ZNRF3: variants seen among roughly 807,000 people sequenced by gnomAD.
ZNRF3 encodes the protein zinc and ring finger 3.
Under a neutral mutation model 72.5 loss-of-function variants are expected in ZNRF3, and 23 were observed. The ratio of observed to expected loss-of-function variants is 0.32; its 90% CI spans 0.23 to 0.45. The LOEUF (loss-of-function observed/expected upper bound fraction) is 0.45. ZNRF3 is among the 20% of genes least tolerant of loss of function. The pLI, the probability that ZNRF3 is intolerant of heterozygous loss-of-function variation, is 1.00. For synonymous variants in ZNRF3, 610 were observed against 545.3 expected (o/e 1.12, Z -1.65); for missense variants, 1,169 against 1,272.1 (o/e 0.92, Z 1.23).
At chr22:28,957,084 A>C (rs1020936882) in intron 1 of ZNRF3, among the ~76,000 whole-genome samples, 1 of 152,234 alleles carries the variant, frequency 6.6e-6, no homozygotes, top group Admixed American at 6.5e-5. Context: ...AAGTAGAATG[A>C]CAAAGCAGTG....
chr22:28,997,049 A>G (rs1214858760), intron 2 of ZNRF3, among the ~76,000 whole-genome samples: 3 of 152,132 alleles, frequency 2.0e-5, no homozygotes, highest in African/African-American at 7.2e-5. Flanking sequence ...GAGATTCTCA[A>G]CTTAAGAGGG....
At chr22:28,892,011 C>G (rs1487400952) in intron 1 of ZNRF3, among the ~76,000 whole-genome samples, 1 of 152,228 alleles carries the variant, frequency 6.6e-6, no homozygotes, top group East Asian at 1.9e-4. Context: ...AAAGGGATTT[C>G]TGGTGTGAGA....
At position 29,050,641 on chromosome 22, in the gene ZNRF3, C is replaced by A. The variant is rs1569298359; in HGVS notation, c.2460C>A (p.Pro820=). ...AGGAACCACCGCCCGGCTGCTACCC[C>A]GGGGCCCGGGACCTGAGCCAGCGCA... ...LTEEPPPGCY[P]GARDLSQRIP... is the part of the protein sequence containing the mutation. Residue 820 remains proline, a synonymous_variant, in exon 8 of 9, where the codon CCC becomes CCA. Coordinates refer to ENST00000544604, the MANE Select transcript of ZNRF3 (RefSeq NM_001206998.2). The A allele has an allele frequency of 6.2e-7, 1 of 1,611,658 alleles. No homozygotes were observed. The highest frequency in any genetic ancestry group is 2.2e-5 in the East Asian group (1 of 44,782).
intron 1 of ZNRF3, among the ~76,000 whole-genome samples, chr22:28,964,550 C>T (rs960277768): frequency 1.3e-5 from 2 of 152,174 alleles, no homozygotes; most frequent in Non-Finnish European, 2.9e-5. Flanking sequence ...CTTTCAGGTA[C>T]CTGTGATCCT....
intron 1 of ZNRF3, among the ~76,000 whole-genome samples, chr22:28,892,408 T>G (rs944287580): frequency 6.6e-6 from 1 of 152,238 alleles, no homozygotes; most frequent in African/African-American, 2.4e-5. Flanking sequence ...GTGCTAAGTT[T>G]AGACCTGTCT....
intron 2 of ZNRF3, among the ~76,000 whole-genome samples, chr22:28,993,781 C>T (rs1396798060): frequency 6.6e-6 from 1 of 152,202 alleles, no homozygotes; most frequent in Non-Finnish European, 1.5e-5. Flanking sequence ...CTCCCGGGCT[C>T]AAGTAATCCT....
chr22:28,942,804 T>C (rs530266270), intron 1 of ZNRF3, among the ~76,000 whole-genome samples: 2 of 152,326 alleles, frequency 1.3e-5, no homozygotes, highest in South Asian at 4.1e-4. Context: ...TTCCCCTATT[T>C]AGATTCTGTG....
intron 2 of ZNRF3, among the ~76,000 whole-genome samples, chr22:29,040,003 T>C (rs1413671639): frequency 2.0e-5 from 3 of 152,152 alleles, no homozygotes; most frequent in Admixed American, 6.5e-5. Context: ...GTGATGCCAC[T>C]CTCGCCTCAC....
chr22:29,020,721 A>G, intron 2 of ZNRF3, among the ~76,000 whole-genome samples: 1 of 147,964 alleles, frequency 6.8e-6, no homozygotes, highest in East Asian at 2.0e-4. Flanking sequence ...TGCTGGTCTA[A>G]CTTACCCATT....
At chr22:28,902,406 G>A (rs1321514673) in intron 1 of ZNRF3, among the ~76,000 whole-genome samples, 1 of 151,148 alleles carries the variant, frequency 6.6e-6, no homozygotes, top group Non-Finnish European at 1.5e-5. Context: ...TTTTTGAGAT[G>A]GGATCTCACT....
chr22:28,885,295 G>C (rs79078332), intron 1 of ZNRF3, among the ~76,000 whole-genome samples: 3,514 of 152,192 alleles, frequency 0.023, 92 homozygotes, highest in African/African-American at 0.056. Context: ...AGCTGGAGGA[G>C]GTACCCAGGC....
chr22:29,004,245 T>C (rs1412569853), intron 2 of ZNRF3, among the ~76,000 whole-genome samples: 2 of 152,224 alleles, frequency 1.3e-5, no homozygotes, highest in Non-Finnish European at 2.9e-5. Flanking sequence ...AGAGAAAATA[T>C]ACCATCAGCA....
At chr22:28,960,702 CG>C (rs940594180) in intron 1 of ZNRF3, among the ~76,000 whole-genome samples, 2 of 152,170 alleles carry the variant, frequency 1.3e-5, no homozygotes, top group Non-Finnish European at 2.9e-5. Context: ...GAAACTGGGT[CG>C]TTTCCAGTTC....
chr22:28,909,756 T>G (rs966383252), intron 1 of ZNRF3, among the ~76,000 whole-genome samples: 1 of 149,264 alleles, frequency 6.7e-6, no homozygotes, highest in South Asian at 2.2e-4. Flanking sequence ...AATTTTTTTT[T>G]TTTTTTTTTT....
intron 1 of ZNRF3, among the ~76,000 whole-genome samples, chr22:28,943,250 C>G (rs1176309209): frequency 6.6e-6 from 1 of 151,984 alleles, no homozygotes; most frequent in East Asian, 1.9e-4. Flanking sequence ...TTGCTCCGGT[C>G]TGAAGGGAGC....
At position 28,991,760 on chromosome 22, in the gene ZNRF3, G is replaced by A. The variant is rs149995836; in HGVS notation, c.426+4559G>A. On this transcript the variant is annotated intron_variant, in intron 2 of 8. Coordinates refer to ENST00000544604, the MANE Select transcript of ZNRF3 (RefSeq NM_001206998.2). ...ACCTGAAATTGAACAGCTTACAAGA[G>A]CCAAGATCTGAAATAAGACCCTTCT... 1.1e-3 allele frequency among the ~76,000 whole-genome samples: 163 copies of A among 152,210 alleles called. 1 individual carries two copies. The highest frequency in any genetic ancestry group is 3.7e-3 in the African/African-American group (154 of 41,534).
At chr22:28,926,190 G>A (rs2123773628) in intron 1 of ZNRF3, among the ~76,000 whole-genome samples, 1 of 152,346 alleles carries the variant, frequency 6.6e-6, no homozygotes, top group South Asian at 2.1e-4. Flanking sequence ...TGTGGCTACA[G>A]TGAGCATGTG....
chr22:28,944,954 TAAATA>T (rs1018615975), intron 1 of ZNRF3, among the ~76,000 whole-genome samples: 40 of 148,894 alleles, frequency 2.7e-4, no homozygotes, highest in Admixed American at 1.3e-4. Flanking sequence ...AATAAATAAA[TAAATA>T]AATAATAATA....
intron 1 of ZNRF3, among the ~76,000 whole-genome samples, chr22:28,936,827 G>A (rs546767654): frequency 1.3e-5 from 2 of 152,146 alleles, no homozygotes; most frequent in South Asian, 2.1e-4. Context: ...AATTCTAGGC[G>A]TCTTCTACAG....
Sources: allele counts gnomAD v4.1 joint callset (sites outside exome capture counted in the v4.1 genomes callset), GRCh38; gene constraint gnomAD v4.1.1; transcripts MANE v1.5; gene names NCBI Gene and HGNC (gene_info 2026-07-23, HGNC 2026-07-21).